Variants in VPS8 observed in about 807,000 individuals in gnomAD.
VPS8 encodes the protein VPS8 subunit of CORVET complex.
VPS8 carries 129 observed loss-of-function variants against 216.4 expected under a neutral mutation model. The ratio of observed to expected loss-of-function variants is 0.60; its 90% CI spans 0.52 to 0.69. VPS8 has a LOEUF of 0.69. Among genes scored for constraint, VPS8 ranks in the 30% least tolerant of loss-of-function variants. The probability of loss-of-function intolerance (pLI) is 0.00; values close to 1 mark genes in which losing one functional copy is unlikely to be tolerated. For missense variants in VPS8, 1,531 were observed against 1,683.5 expected, an observed-to-expected ratio of 0.91 and a Z score of 1.59; for synonymous variants, 571 against 565.4, an observed-to-expected ratio of 1.01 and a Z score of -0.14.
In VPS8 at chr3:184,929,390, A is replaced by C. The variant is rs200877171; in HGVS notation, c.2715-190A>C. Among the ~76,000 whole-genome samples, 9 of 151,978 alleles carry C rather than the reference A, an allele frequency of 5.9e-5. No homozygotes were observed. In the East Asian group the frequency reaches 1.7e-3, roughly 29 times the overall value. On this transcript the variant is annotated intron_variant, in intron 32 of 47. Transcript: ENST00000625842. ...TTTTTTGTAGAGACGGGGTCTTGCT[A>C]TGCTGCCCAGGCTGATCTCAAACTC... is the stretch of plus-strand genomic sequence containing the variant.
intron 46 of VPS8, among the ~76,000 whole-genome samples, chr3:185,041,281 T>A (rs1029790476): frequency 6.6e-6 from 1 of 152,134 alleles, no homozygotes; most frequent in Non-Finnish European, 1.5e-5. Context: ...ATTTATTAGC[T>A]CCCATGCTAA....
At chr3:184,934,865 G>T (rs921552297) in intron 34 of VPS8, among the ~76,000 whole-genome samples, 2 of 152,160 alleles carry the variant, frequency 1.3e-5, no homozygotes, top group East Asian at 1.9e-4. Context: ...CTCTTACAAT[G>T]AGCTGAAGAA....
chr3:184,952,570 C>T (rs1298290020), intron 36 of VPS8, among the ~76,000 whole-genome samples: 1 of 151,870 alleles, frequency 6.6e-6, no homozygotes, highest in Non-Finnish European at 1.5e-5. Flanking sequence ...TAGTAATTTA[C>T]GCTGAGTAGA....
intron 34 of VPS8, among the ~76,000 whole-genome samples, chr3:184,931,048 ATT>A: frequency 6.6e-6 from 1 of 152,322 alleles, no homozygotes; most frequent in South Asian, 2.1e-4. Context: ...GGATGCAAGT[ATT>A]CACTTCTATT....
intron 46 of VPS8, among the ~76,000 whole-genome samples, chr3:185,033,003 C>T (rs1221367657): frequency 1.3e-5 from 2 of 152,078 alleles, no homozygotes; most frequent in Non-Finnish European, 2.9e-5. Flanking sequence ...TTTAGGTTTA[C>T]AGAAAAGTGG....
intron 36 of VPS8, among the ~76,000 whole-genome samples, chr3:184,951,020 A>G (rs963075495): frequency 2.6e-5 from 4 of 152,310 alleles, no homozygotes; most frequent in East Asian, 1.9e-4. Context: ...TAGTGCTGCA[A>G]TAAACAATGT....
chr3:184,964,276 G>A (rs897487578), intron 37 of VPS8, among the ~76,000 whole-genome samples, 192 bp from the exon 38 acceptor site: 1 of 151,866 alleles, frequency 6.6e-6, no homozygotes, highest in African/African-American at 2.4e-5. Context: ...AGTGAATTTG[G>A]TCCAGTTAGA....
chr3:185,004,444 C>T lies in VPS8; in HGVS notation c.4002+4583C>T, dbSNP rs535993776. ...AGATGGCAGCAGCACAGTCCAGCCT[C>T]GGCTCGGCCTCAGAGGGAGACCGTG... On this transcript the variant is annotated intron_variant, in intron 45 of 47. Coordinates refer to ENST00000625842, the MANE Select transcript of VPS8 (RefSeq NM_001009921.3). Among the ~76,000 whole-genome samples, 22 of 152,322 alleles carry T rather than the reference C, an allele frequency of 1.4e-4. No individual in the cohort carries two copies. The East Asian group carries it at 4.1e-3, about 28-fold the overall frequency.
At chr3:185,038,221 G>C (rs567430449) in intron 46 of VPS8, among the ~76,000 whole-genome samples, 24 of 152,228 alleles carry the variant, frequency 1.6e-4, no homozygotes, top group Non-Finnish European at 3.1e-4. Flanking sequence ...TATGTCTGCA[G>C]TCACCCTGGA....
chr3:184,919,493 CAG>C (rs2109123231), intron 28 of VPS8, among the ~76,000 whole-genome samples: 1 of 152,212 alleles, frequency 6.6e-6, no homozygotes, highest in East Asian at 1.9e-4. Context: ...TACTGACAAA[CAG>C]AATCTGGTAT....
intron 42 of VPS8, among the ~76,000 whole-genome samples, chr3:184,988,734 C>G (rs916518810): frequency 3.9e-5 from 6 of 152,150 alleles, no homozygotes; most frequent in African/African-American, 7.2e-5. Context: ...ACTTATAGAT[C>G]AAATGAAGAA....
At chr3:184,826,102 C>T (rs540864819) in intron 2 of VPS8, 61 bp from the exon 3 acceptor site, 2 of 1,224,536 alleles carry the variant, frequency 1.6e-6, no homozygotes, top group South Asian at 1.4e-5. Context: ...CAACTAAAAC[C>T]CCTCACAATT....
chr3:184,956,754 CTGG>C (rs373953935), intron 36 of VPS8, among the ~76,000 whole-genome samples: 62 of 152,278 alleles, frequency 4.1e-4, no homozygotes, highest in Middle Eastern at 6.8e-3. Flanking sequence ...ATGTGAGTAG[CTGG>C]TGTACTAGGC....
At position 185,040,338 on chromosome 3, in the gene VPS8, A is replaced by C. The variant is rs1759467026; in HGVS notation, c.4057-8141A>C. On this transcript the variant is annotated intron_variant, in intron 46 of 47. Coordinates refer to ENST00000625842, the MANE Select transcript of VPS8 (RefSeq NM_001009921.3). ...GAAAACCACCTTCTTAAGGCAGGATATTCCATCTTTGGAAGCTCTAACTAA... is the reference window on the plus strand; with the variant it reads ...GAAAACCACCTTCTTAAGGCAGGATCTTCCATCTTTGGAAGCTCTAACTAA... Among the ~76,000 whole-genome samples, 10 of 152,332 alleles carry C rather than the reference A, an allele frequency of 6.6e-5. No individual in the cohort carries two copies. In the South Asian group the frequency reaches 2.1e-3, roughly 32 times the overall value.
At chr3:184,889,559 T>C (rs1031679477) in intron 22 of VPS8, among the ~76,000 whole-genome samples, 2 of 152,134 alleles carry the variant, frequency 1.3e-5, no homozygotes, top group Non-Finnish European at 2.9e-5. Flanking sequence ...GACTAGATTG[T>C]ACTAGATCCT....
At chr3:184,873,754 T>C (rs565020968) in intron 21 of VPS8, among the ~76,000 whole-genome samples, 2 of 152,268 alleles carry the variant, frequency 1.3e-5, no homozygotes, top group African/African-American at 4.8e-5. Flanking sequence ...CCATATGTAA[T>C]GTGTAATATC....
chr3:185,007,078 G>A (rs1248043159), intron 45 of VPS8, among the ~76,000 whole-genome samples: 1 of 152,140 alleles, frequency 6.6e-6, no homozygotes, highest in Non-Finnish European at 1.5e-5. Flanking sequence ...TAGATGTGTT[G>A]GGAGTTATTC....
intron 45 of VPS8, 25 bp from the exon 46 acceptor site, chr3:185,024,311 T>G: frequency 6.4e-7 from 1 of 1,567,988 alleles, no homozygotes; most frequent in Non-Finnish European, 8.7e-7. Flanking sequence ...GAAAGGGTAT[T>G]AAAATGTTTG....
At chr3:184,830,041 CGT>C (rs1310223195) in intron 3 of VPS8, among the ~76,000 whole-genome samples, 1 of 152,004 alleles carries the variant, frequency 6.6e-6, no homozygotes, top group African/African-American at 2.4e-5. Context: ...CATTCGTGTG[CGT>C]GTGTGTGTCC....
Sources: allele counts gnomAD v4.1 joint callset (sites outside exome capture counted in the v4.1 genomes callset), GRCh38; gene constraint gnomAD v4.1.1; transcripts MANE v1.5; gene names NCBI Gene and HGNC (gene_info 2026-07-23, HGNC 2026-07-21).